FRMPD4: variants seen among roughly 807,000 people sequenced by gnomAD.
The protein encoded by FRMPD4 is FERM and PDZ domain-containing protein 4.
Under a neutral mutation model 94.1 loss-of-function variants are expected in FRMPD4, and 22 were observed. The observed-to-expected ratio is 0.23, with a 90% CI of 0.17 to 0.33. The LOEUF (loss-of-function observed/expected upper bound fraction) is 0.33, where lower values mean the gene tolerates loss of function less well. Ranked by LOEUF, FRMPD4 falls within the 10% of genes least tolerant of loss-of-function variation. The pLI is 1.00. For missense variants in FRMPD4, 1,111 were observed against 1,339.9 expected, an observed-to-expected ratio of 0.83 and a Z score of 2.67; for synonymous variants, 631 against 548.6, an observed-to-expected ratio of 1.15 and a Z score of -2.10.
At chrX:12,012,069 T>C (rs760425543) in intron 3 of FRMPD4, among the ~76,000 whole-genome samples, 1 of 110,342 alleles carries the variant, frequency 9.1e-6, no homozygotes, top group East Asian at 2.9e-4. Context: ...CCCAGCTAAT[T>C]TTTGTATTTT....
intron 3 of FRMPD4, among the ~76,000 whole-genome samples, chrX:12,090,288 C>CCT (rs757173283): frequency 2.1e-3 from 230 of 109,359 alleles, no homozygotes; most frequent in Non-Finnish European, 3.4e-3. Flanking sequence ...CATCTCCCCA[C>CCT]CTCTCTCTCT....
intron 3 of FRMPD4, among the ~76,000 whole-genome samples, chrX:11,884,867 A>G (rs1320663918): frequency 2.7e-5 from 3 of 111,978 alleles, no homozygotes; most frequent in Non-Finnish European, 5.6e-5. Context: ...AGGGATGTCT[A>G]TCATGTGCAT....
intron 2 of FRMPD4, among the ~76,000 whole-genome samples, chrX:12,522,353 G>A (rs2058170979): frequency 9.0e-6 from 1 of 111,189 alleles, no homozygotes; most frequent in Non-Finnish European, 1.9e-5. Flanking sequence ...GGGTAGCAGT[G>A]CACTTGAGTT....
chrX:12,594,269 C>T (rs1447462412), intron 2 of FRMPD4, among the ~76,000 whole-genome samples: 2 of 111,079 alleles, frequency 1.8e-5, no homozygotes, highest in Non-Finnish European at 3.8e-5. Context: ...CTTCCTACTC[C>T]TAGACTCTAA....
chrX:12,637,112 G>A (rs2059449875), intron 4 of FRMPD4, among the ~76,000 whole-genome samples: 3 of 112,152 alleles, frequency 2.7e-5, no homozygotes, highest in African/African-American at 6.5e-5. Context: ...AATACATCAT[G>A]AGCTCATACT....
chrX:12,331,986 T>C (rs1301945378), intron 1 of FRMPD4, among the ~76,000 whole-genome samples: 1 of 60,746 alleles, frequency 1.6e-5, no homozygotes, highest in Non-Finnish European at 2.7e-5. Flanking sequence ...ATTTATATAC[T>C]ATATATAAAT....
intron 1 of FRMPD4, among the ~76,000 whole-genome samples, chrX:12,425,692 A>G (rs1230954384): frequency 8.9e-6 from 1 of 111,749 alleles, no homozygotes; most frequent in African/African-American, 3.3e-5. Flanking sequence ...ACATCCTACA[A>G]TGCATGCGGC....
At chrX:12,168,396 T>C (rs1245501918) in intron 1 of FRMPD4, among the ~76,000 whole-genome samples, 1 of 109,451 alleles carries the variant, frequency 9.1e-6, no homozygotes, top group East Asian at 2.8e-4. Context: ...CTCTCCAACT[T>C]GCAGTGTGAT....
chrX:12,254,920 T>G (rs1209633490), intron 1 of FRMPD4, among the ~76,000 whole-genome samples: 3 of 110,306 alleles, frequency 2.7e-5, no homozygotes, highest in African/African-American at 9.9e-5. Flanking sequence ...GCACAGAATT[T>G]GACATTTTCA....
chrX:12,199,281 G>A lies in FRMPD4; in HGVS notation c.41+60269G>A, dbSNP rs573896130. Among the ~76,000 whole-genome samples the A allele has an allele frequency of 4.6e-5, 5 of 109,009 alleles. No individual in the cohort carries two copies. The South Asian group carries it at 1.6e-3, about 34-fold the overall frequency. The allele number at this position is 109,009 out of a possible 115,157, so 94.7% of individuals were successfully genotyped here. ...TGTGTGTGTGTGTGTATGTGTGTGTGTGTGTGTTTCCTTCTTTGAATGTTT... is the reference window on the plus strand; with the variant it reads ...TGTGTGTGTGTGTGTATGTGTGTGTATGTGTGTTTCCTTCTTTGAATGTTT... On this transcript the variant is annotated intron_variant, in intron 1 of 16. Transcript: ENST00000675598.
chrX:12,690,167 C>G, intron 7 of FRMPD4, 28 bp from the exon 8 acceptor site: 1 of 1,177,357 alleles, frequency 8.5e-7, no homozygotes, highest in Non-Finnish European at 1.1e-6. Flanking sequence ...CGATTTTGGT[C>G]TCATCATGTT....
intron 1 of FRMPD4, among the ~76,000 whole-genome samples, chrX:12,497,281 G>A (rs1196102223): frequency 9.0e-6 from 1 of 111,169 alleles, no homozygotes; most frequent in Non-Finnish European, 1.9e-5. Context: ...ATTTTTAATA[G>A]AATAGACTGT....
chrX:12,577,997 G>A (rs1024993841), intron 2 of FRMPD4, among the ~76,000 whole-genome samples: 1 of 112,618 alleles, frequency 8.9e-6, no homozygotes, highest in African/African-American at 3.2e-5. Context: ...GTGAAGGCCC[G>A]CTTTAGGGCT....
chrX:12,686,912 G>A (rs761490905), intron 7 of FRMPD4, among the ~76,000 whole-genome samples: 10 of 111,725 alleles, frequency 9.0e-5, no homozygotes, highest in Admixed American at 7.6e-4. Flanking sequence ...GAAATTGATT[G>A]CTCCCTAATG....
rs79202923 is a variant in FRMPD4 at position 12,536,364 on chromosome X, A to AC, written c.158+37568_158+37569insC. Among the ~76,000 whole-genome samples the AC allele has an allele frequency of 6.8e-4, 75 of 110,706 alleles. No individual in the cohort carries two copies. In the East Asian group the frequency reaches 0.019, roughly 28 times the overall value. On this transcript the variant is annotated intron_variant, in intron 2 of 16. Transcript: ENST00000675598. ...AACACCTGTTATAAGGAAAAAAAAA[A>AC]AGTCTACTTGATTATCACAGGACAA...
intron 4 of FRMPD4, among the ~76,000 whole-genome samples, chrX:12,645,015 T>C (rs2059534430): frequency 9.0e-6 from 1 of 111,325 alleles, no homozygotes; most frequent in Admixed American, 9.6e-5. Flanking sequence ...AGATGATACA[T>C]TGCATGAGTT....
intron 1 of FRMPD4, among the ~76,000 whole-genome samples, chrX:12,446,908 C>T (rs925957188): frequency 2.7e-5 from 3 of 111,256 alleles, no homozygotes; most frequent in Non-Finnish European, 3.8e-5. Context: ...GCACTGCTGG[C>T]GTTTGGTGGT....
intron 1 of FRMPD4, among the ~76,000 whole-genome samples, chrX:12,491,710 C>G (rs751389691): frequency 2.7e-5 from 3 of 112,365 alleles, no homozygotes; most frequent in African/African-American, 9.7e-5. Context: ...CATCATGTAG[C>G]TTGGATTCAT....
At chrX:12,194,488 TA>T (rs1254781173) in intron 1 of FRMPD4, among the ~76,000 whole-genome samples, 6 of 110,514 alleles carry the variant, frequency 5.4e-5, no homozygotes, top group African/African-American at 1.6e-4. Flanking sequence ...CAGTGGCACT[TA>T]AAAAAATTTG....
Sources: allele counts gnomAD v4.1 joint callset (sites outside exome capture counted in the v4.1 genomes callset), GRCh38; gene constraint gnomAD v4.1.1; transcripts MANE v1.5; gene names NCBI Gene and HGNC (gene_info 2026-07-23, HGNC 2026-07-21).